Variants in PTPRG observed in about 807,000 individuals in gnomAD.
PTPRG encodes receptor-type tyrosine-protein phosphatase gamma.
A neutral mutation model predicts 165.3 loss-of-function variants in PTPRG; 102 were observed. The ratio of observed to expected loss-of-function variants is 0.62; its 90% CI spans 0.53 to 0.73. PTPRG has a LOEUF of 0.73. Ranked by LOEUF, PTPRG falls within the 30% of genes least tolerant of loss-of-function variation. The pLI is 0.00. For synonymous variants in PTPRG, 675 were observed against 669.5 expected (o/e 1.01, Z -0.13); for missense variants, 1,866 against 1,861.4 (o/e 1.00, Z -0.05).
intron 17 of PTPRG, among the ~76,000 whole-genome samples, chr3:62,266,463 G>C (rs963008916): frequency 7.2e-5 from 11 of 152,034 alleles, no homozygotes; most frequent in African/African-American, 2.7e-4. Flanking sequence ...AAGGCATAAC[G>C]GTTTGGATCC....
chr3:62,243,637 C>A, intron 14 of PTPRG, 170 bp from the exon 15 acceptor site: 1 of 470,364 alleles, frequency 2.1e-6, no homozygotes, highest in Non-Finnish European at 3.8e-6. Context: ...AATTTTGGGC[C>A]CCTCCAACAG....
intron 8 of PTPRG, among the ~76,000 whole-genome samples, chr3:62,180,798 T>C (rs1705616404): frequency 6.6e-6 from 1 of 152,114 alleles, no homozygotes; most frequent in African/African-American, 2.4e-5. Flanking sequence ...GGATATCATG[T>C]AGAAAAAAGA....
intron 1 of PTPRG, among the ~76,000 whole-genome samples, chr3:61,712,775 A>G (rs2031628496): frequency 1.3e-5 from 2 of 152,214 alleles, no homozygotes; most frequent in South Asian, 2.1e-4. Context: ...ATCTATCTCA[A>G]AGGAATATCT....
intron 7 of PTPRG, 115 bp from the exon 8 acceptor site, chr3:62,167,856 A>T: frequency 1.9e-6 from 2 of 1,066,744 alleles, no homozygotes; most frequent in Non-Finnish European, 1.4e-6. Flanking sequence ...GGCACTTCCT[A>T]CCGTTTCATG....
chr3:61,917,776 A>G (rs541245779), intron 2 of PTPRG, among the ~76,000 whole-genome samples: 3 of 152,294 alleles, frequency 2.0e-5, no homozygotes, highest in Admixed American at 6.5e-5. Context: ...TACTAAAAAT[A>G]CAAAACATTA....
At chr3:62,260,233 T>G in intron 16 of PTPRG, among the ~76,000 whole-genome samples, 1 of 152,206 alleles carries the variant, frequency 6.6e-6, no homozygotes, top group East Asian at 1.9e-4. Flanking sequence ...CCCTACTTGG[T>G]GTAATACTTG....
intron 1 of PTPRG, among the ~76,000 whole-genome samples, chr3:61,650,379 C>CA: frequency 6.6e-6 from 1 of 152,278 alleles, no homozygotes; most frequent in Non-Finnish European, 1.5e-5. Context: ...GAATGAGACT[C>CA]ATGTTCGAAG....
intron 2 of PTPRG, among the ~76,000 whole-genome samples, chr3:61,963,821 A>G (rs1045917578): frequency 6.6e-5 from 10 of 152,264 alleles, no homozygotes; most frequent in African/African-American, 2.4e-5. Context: ...TCTTAACCTA[A>G]ACAATGGAAA....
chr3:61,668,467 A>G (rs1230356688), intron 1 of PTPRG, among the ~76,000 whole-genome samples: 2 of 152,224 alleles, frequency 1.3e-5, no homozygotes, highest in Non-Finnish European at 2.9e-5. Flanking sequence ...GCTTTTCTGC[A>G]ACAGCTTCAG....
intron 2 of PTPRG, among the ~76,000 whole-genome samples, chr3:61,841,227 C>T (rs2036623548): frequency 6.6e-6 from 1 of 152,172 alleles, no homozygotes. Flanking sequence ...ATATACTTGA[C>T]ACAGTCATAT....
At chr3:61,999,131 C>T (rs182087238) in intron 3 of PTPRG, among the ~76,000 whole-genome samples, 107 of 152,218 alleles carry the variant, frequency 7.0e-4, no homozygotes, top group Non-Finnish European at 1.2e-3. Context: ...CCGCAGCCTC[C>T]GCCTCCTGGG....
chr3:61,738,870 G>A (rs1048919040), intron 1 of PTPRG, among the ~76,000 whole-genome samples: 6 of 152,030 alleles, frequency 3.9e-5, no homozygotes, highest in South Asian at 2.1e-4. Flanking sequence ...AGACTCCTGG[G>A]CACAAGTGAT....
At chr3:61,703,700 A>G (rs983842488) in intron 1 of PTPRG, among the ~76,000 whole-genome samples, 4 of 152,178 alleles carry the variant, frequency 2.6e-5, no homozygotes, top group African/African-American at 9.7e-5. Flanking sequence ...TCCTTTGAAA[A>G]ACAAACACAA....
intron 2 of PTPRG, among the ~76,000 whole-genome samples, chr3:61,797,581 A>ACCACCCCCCCCC (rs2035088327): frequency 3.1e-5 from 4 of 127,376 alleles, no homozygotes; most frequent in East Asian, 2.4e-4. Context: ...TTATCTCCAC[A>ACCACCCCCCCCC]CCCCCCCCCA....
At chr3:62,159,457 C>A (rs1163471183) in intron 7 of PTPRG, among the ~76,000 whole-genome samples, 1 of 152,146 alleles carries the variant, frequency 6.6e-6, no homozygotes. Flanking sequence ...GGACCATTAA[C>A]ATATGCTGGG....
At position 62,254,983 on chromosome 3, in the gene PTPRG, AG is replaced by A. The variant is rs1230305060; in HGVS notation, c.2468-139del. 1 of 604,010 alleles carries A rather than the reference AG, an allele frequency of 1.7e-6. No individual in the cohort carries two copies. The highest frequency in any genetic ancestry group is 1.9e-5 in the African/African-American group (1 of 51,688). The allele number at this position is 604,010 out of a possible 1,614,324, so 37.4% of individuals were successfully genotyped here. On this transcript the variant is annotated intron_variant, in intron 15 of 29. Transcript: ENST00000474889. The surrounding 1 kb of genome is among the most constrained non-coding windows in gnomAD (Gnocchi z 4.6). ...AAAATAAATTCTGAGACTTTTCTTC[AG>A]GACATCTATTTTGTGTGATACAATT... is the stretch of plus-strand genomic sequence containing the variant.
chr3:61,672,837 G>T (rs7645896), intron 1 of PTPRG, among the ~76,000 whole-genome samples: 6,620 of 149,296 alleles, frequency 0.044, 343 homozygotes, highest in African/African-American at 0.12. Flanking sequence ...GAGGGAGAGG[G>T]CTCTTAAGGG....
chr3:61,809,682 A>G (rs936270366), intron 2 of PTPRG, among the ~76,000 whole-genome samples: 1 of 152,200 alleles, frequency 6.6e-6, no homozygotes, highest in African/African-American at 2.4e-5. Context: ...TGAAAAGAAA[A>G]TAATATAGTT....
At chr3:61,788,730 G>A (rs2034785636) in intron 2 of PTPRG, among the ~76,000 whole-genome samples, 1 of 152,216 alleles carries the variant, frequency 6.6e-6, no homozygotes. Flanking sequence ...TTGGCTTTGT[G>A]AGTTGTATAG....
Sources: gnomAD v4.1 joint callset for allele counts (sites outside exome capture counted in the v4.1 genomes callset) on GRCh38, gnomAD v4.1.1 for gene constraint, Gnocchi (gnomAD v3.1) non-coding constraint, MANE v1.5 for transcripts, NCBI Gene and HGNC (gene_info 2026-07-23, HGNC 2026-07-21) for gene names.